The following BRCA2 variants were observed in gnomAD, a reference collection of about 807,000 sequenced individuals.
BRCA2 encodes the protein breast cancer type 2 susceptibility protein.
A neutral mutation model predicts 276.7 loss-of-function variants in BRCA2; 203 were observed. The ratio of observed to expected loss-of-function variants is 0.73; its 90% confidence interval spans 0.65 to 0.82. The LOEUF is 0.82. Ranked by LOEUF, BRCA2 falls within the 40% of genes least tolerant of loss-of-function variation. The pLI, the probability that BRCA2 is intolerant of heterozygous loss-of-function variation, is 0.00. For missense variants in BRCA2, 3,920 were observed against 3,915.0 expected, an observed-to-expected ratio of 1.00 and a Z score of -0.03; for synonymous variants, 1,289 against 1,338.4, an observed-to-expected ratio of 0.96 and a Z score of 0.81.
intron 16 of BRCA2, among the ~76,000 whole-genome samples, chr13:32,358,498 G>C (rs1340925305): frequency 7.1e-6 from 1 of 140,940 alleles, no homozygotes; most frequent in East Asian, 2.2e-4. Flanking sequence ...AAAGAAAAAA[G>C]TTAAATTTGA....
chr13:32,380,003 G>A lies in BRCA2; in HGVS notation c.9118-4G>A, dbSNP rs879255471. 1 of 1,613,908 alleles carries A rather than the reference G, an allele frequency of 6.2e-7. No homozygotes were observed. Among genetic ancestry groups the A allele is most frequent in the Non-Finnish European group, 8.5e-7 (1 of 1,179,930 alleles). ...ATGTTGAATTTTTGTTTTGTTTTCT[G>A]TAGGTTTCAGATGAAATTTTATTTC... On this transcript the variant is annotated splice_polypyrimidine_tract_variant and splice_region_variant and intron_variant, in intron 23 of 26. Coordinates refer to ENST00000380152, the MANE Select transcript of BRCA2 (RefSeq NM_000059.4).
At position 32,379,516 on chromosome 13, in the gene BRCA2, G is replaced by T. The variant is rs81002882; in HGVS notation, c.8953+1G>T. 1 of 1,612,074 alleles carries T rather than the reference G, an allele frequency of 6.2e-7. No individual in the cohort carries two copies. The highest frequency in any genetic ancestry group is 8.5e-7 in the Non-Finnish European group (1 of 1,179,290). On this transcript the variant is annotated splice_donor_variant, in intron 22 of 26. Coordinates refer to ENST00000380152, the MANE Select transcript of BRCA2 (RefSeq NM_000059.4). LOFTEE classifies it high-confidence loss of function. ...TATTCAAAAAAAGAAAAAGATTCAG[G>T]TAAGTATGTAAATGCTTTGTTTTTA...
chr13:32,332,160 T>G, intron 9 of BRCA2, 112 bp from the exon 10 acceptor site: 1 of 1,055,310 alleles, frequency 9.5e-7, no homozygotes, highest in Non-Finnish European at 1.3e-6. Context: ...AATACTGATA[T>G]GTAATATTTA....
intron 25 of BRCA2, among the ~76,000 whole-genome samples, chr13:32,396,549 C>T (rs1298093157): frequency 6.6e-6 from 1 of 152,162 alleles, no homozygotes; most frequent in Non-Finnish European, 1.5e-5. Context: ...TGAGATGATT[C>T]CCAGCTATTA....
At chr13:32,355,557 T>C (rs1415357720) in intron 14 of BRCA2, among the ~76,000 whole-genome samples, 1 of 152,156 alleles carries the variant, frequency 6.6e-6, no homozygotes, top group East Asian at 1.9e-4. Context: ...ACTAATTTTC[T>C]TTTTAAAATG....
In BRCA2 at chr13:32,399,612, A is replaced by G. The variant is rs192347116; in HGVS notation, c.*842A>G. ...CATAGTTAATTTATTTTTTTTTTCA[A>G]CAAAATGGTCATCCAAACTCAAACT... On this transcript the variant is annotated 3_prime_UTR_variant, in exon 27 of 27. Coordinates refer to ENST00000380152, the MANE Select transcript of BRCA2 (RefSeq NM_000059.4). 3.2e-3 allele frequency: 580 copies of G among 178,788 alleles called. 1 individual carries two copies. Among genetic ancestry groups the G allele is most frequent in the African/African-American group, 0.013 (554 of 42,450 alleles). 11.1% of individuals were successfully genotyped at this position (178,788 alleles called of 1,614,324 possible).
In BRCA2 at chr13:32,354,967, T is replaced by C. The variant is rs1199109224; in HGVS notation, c.7114T>C (p.Ser2372Pro). The part of the protein sequence containing the change: ...LYEHLTLEKS[S>P]SNLAVSGHPF... ...TGAACATCTGACTTTGGAAAAATCT[T>C]CAAGCAATTTAGCAGTTTCAGGACA... Residue 2372 changes from serine (S) to proline (P), a missense_variant, in exon 14 of 27, where the codon TCA (serine) becomes CCA (proline). By Grantham distance (74) the Ser-to-Pro change is moderately conservative. Around this residue, in one of 2 missense-constraint regions of BRCA2, gnomAD observed 3,263 missense variants for 3,156.9 expected, o/e 1.03. Coordinates refer to ENST00000380152, the MANE Select transcript of BRCA2 (RefSeq NM_000059.4). 1.2e-6 allele frequency: 2 copies of C among 1,613,580 alleles called. No homozygotes were observed. The highest frequency in any genetic ancestry group is 2.2e-5 in the South Asian group (2 of 90,976).
rs876658706 is a variant in BRCA2 at position 32,333,254 on chromosome 13, T to C, written c.1776T>C (p.Tyr592=). 7 of 1,610,516 alleles carry C rather than the reference T, an allele frequency of 4.3e-6. No homozygotes were observed. The highest frequency in any genetic ancestry group is 1.1e-5 in the South Asian group (1 of 90,234). ...TLKKKTNKFI[Y]AIHDETSYKG... ...AAAAGAAAACAAATAAGTTTATTTATGCTATACATGATGAAACATCTTATA... is the reference window on the plus strand; with the variant it reads ...AAAAGAAAACAAATAAGTTTATTTACGCTATACATGATGAAACATCTTATA... Residue 592 remains tyrosine (Y), a synonymous_variant, in exon 10 of 27, where the codon TAT becomes TAC. Coordinates refer to ENST00000380152, the MANE Select transcript of BRCA2 (RefSeq NM_000059.4).
chr13:32,385,436 G>T, intron 24 of BRCA2: 1 of 211,978 alleles, frequency 4.7e-6, no homozygotes, highest in Non-Finnish European at 1.0e-5. Context: ...TATGTCTTTG[G>T]ATATGTCTTC....
In BRCA2 at chr13:32,316,853, G is replaced by A. The variant is rs11571575; in HGVS notation, c.67+326G>A. ...CCTTATACTCTTAAAAATGATCTAG[G>A]ACCCCCGGAGTGCTTTTGTTTATGT... On this transcript the variant is annotated intron_variant, in intron 2 of 26. Coordinates refer to ENST00000380152, the MANE Select transcript of BRCA2 (RefSeq NM_000059.4). 1.2e-3 allele frequency among the ~76,000 whole-genome samples: 186 copies of A among 152,246 alleles called. 2 individuals are homozygous for A. The highest frequency in any genetic ancestry group is 4.2e-3 in the African/African-American group (174 of 41,540).
rs80358516 is a variant in BRCA2, at chr13:32,336,872, C to T, written c.2517C>T (p.Tyr839=). ...KNVELLPPEK[Y]MRVASPSRKV... ...TTGAGCTGTTGCCACCTGAAAAATA[C>T]ATGAGAGTAGCATCACCTTCAAGAA... is the stretch of plus-strand genomic sequence containing the variant. Residue 839 remains tyrosine (Y), a synonymous_variant, in exon 11 of 27, where the codon TAC becomes TAT. Coordinates refer to ENST00000380152, the MANE Select transcript of BRCA2 (RefSeq NM_000059.4). 6.2e-7 allele frequency: 1 copy of T among 1,610,718 alleles called. No homozygotes were observed. Among genetic ancestry groups the T allele is most frequent in the South Asian group, 1.1e-5 (1 of 89,788 alleles).
At chr13:32,372,912 C>T (rs2072844139) in intron 20 of BRCA2, among the ~76,000 whole-genome samples, 1 of 152,084 alleles carries the variant, frequency 6.6e-6, no homozygotes, top group African/African-American at 2.4e-5. Flanking sequence ...GTAAATGTTC[C>T]CATCTCAAGT....
chr13:32,384,571 G>T (rs1159445205), intron 24 of BRCA2: 2 of 164,732 alleles, frequency 1.2e-5, no homozygotes, highest in Non-Finnish European at 2.7e-5. Flanking sequence ...CCAAGGCAAG[G>T]TGTGTGGGAG....
intron 13 of BRCA2, among the ~76,000 whole-genome samples, chr13:32,349,614 G>A (rs1366940318): frequency 1.3e-5 from 2 of 151,904 alleles, no homozygotes; most frequent in Admixed American, 1.3e-4. Context: ...TCAGGAATTC[G>A]AGACCAGCCT....
chr13:32,342,025 A>C (rs986680617), intron 11 of BRCA2, among the ~76,000 whole-genome samples: 1 of 151,670 alleles, frequency 6.6e-6, no homozygotes, highest in Non-Finnish European at 1.5e-5. Context: ...TAATCCCAGC[A>C]CTTTGGGAGG....
At chr13:32,373,904 C>G (rs1462834555) in intron 20 of BRCA2, among the ~76,000 whole-genome samples, 1 of 152,254 alleles carries the variant, frequency 6.6e-6, no homozygotes, top group Non-Finnish European at 1.5e-5. Context: ...GGCTCTGCCC[C>G]CACAGCAGAC....
intron 3 of BRCA2, among the ~76,000 whole-genome samples, chr13:32,320,211 T>C (rs1465674935): frequency 2.6e-5 from 4 of 152,184 alleles, no homozygotes. Context: ...CTAAAGAAAT[T>C]GAATTTGTTT....
chr13:32,362,726 T>G, intron 17 of BRCA2, 33 bp downstream of exon 17: 1 of 1,609,326 alleles, frequency 6.2e-7, no homozygotes, highest in Non-Finnish European at 8.5e-7. Context: ...CGTAATCATA[T>G]ACGGCAGTAT....
chr13:32,377,590 CAAA>C (rs796964470), intron 21 of BRCA2, among the ~76,000 whole-genome samples: 20 of 99,546 alleles, frequency 2.0e-4, no homozygotes, highest in Non-Finnish European at 2.2e-4. Context: ...AACTCCGTCT[CAAA>C]AAAAAAAAAA....
Sources: gnomAD v4.1 joint callset for allele counts (sites outside exome capture counted in the v4.1 genomes callset) on GRCh38, gnomAD v4.1.1 for gene constraint, gnomAD v4.1.1 regional missense constraint, MANE v1.5 for transcripts, NCBI Gene and HGNC (gene_info 2026-07-23, HGNC 2026-07-21) for gene names.